The following MLC1 variants were observed in gnomAD, a reference collection of about 807,000 sequenced individuals.
The protein encoded by MLC1 is modulator of VRAC current 1, also known as membrane protein MLC1.
MLC1 carries 32 observed loss-of-function variants against 44.7 expected under a neutral mutation model. That is an observed-to-expected ratio of 0.72 (90% CI 0.54 to 0.96). The LOEUF (loss-of-function observed/expected upper bound fraction) is 0.96, where lower values mean the gene tolerates loss of function less well. Ranked by LOEUF, MLC1 falls within the 40% of genes least tolerant of loss-of-function variation. The probability of loss-of-function intolerance (pLI) is 0.00; values close to 1 mark genes in which losing one functional copy is unlikely to be tolerated. For synonymous variants in MLC1, 190 were observed against 213.0 expected (o/e 0.89, Z 0.94); for missense variants, 459 against 492.2 (o/e 0.93, Z 0.64).
At position 50,071,444 on chromosome 22, in the gene MLC1, G is replaced by A. The variant is rs766997005; in HGVS notation, c.715-861C>T. On this transcript the variant is annotated intron_variant, in intron 8 of 11. Transcript: ENST00000311597. The stretch of plus-strand genomic sequence containing the variant: ...GTTTGTTTGCTCCTGATCCGGATTC[G>A]GTCTGCCATTGAGCTCGTAGTCTCC... Among the ~76,000 whole-genome samples the A allele has an allele frequency of 4.4e-4, 67 of 152,240 alleles. 1 individual carries two copies. Among genetic ancestry groups the A allele is most frequent in the Non-Finnish European group, 8.2e-4 (56 of 68,018 alleles).
intron 10 of MLC1, 126 bp from the exon 11 acceptor site, chr22:50,064,324 C>G: frequency 1.8e-6 from 2 of 1,121,492 alleles, no homozygotes; most frequent in Admixed American, 4.0e-5. Context: ...GCCCCAGTAA[C>G]CCAAACGCAT....
chr22:50,068,725 C>CTTTTTTTTTTTTTTTT (rs765426637), intron 9 of MLC1, among the ~76,000 whole-genome samples, 170 bp from the exon 10 acceptor site: 3 of 105,248 alleles, frequency 2.9e-5, no homozygotes, highest in African/African-American at 7.3e-5. Flanking sequence ...TTTTCTTTTT[C>CTTTTTTTTTTTTTTTT]TTTTTTTTTT....
intron 5 of MLC1, among the ~76,000 whole-genome samples, chr22:50,078,885 C>A (rs779099577): frequency 6.6e-6 from 1 of 152,188 alleles, no homozygotes; most frequent in Admixed American, 6.5e-5. Flanking sequence ...GAGACAGCTC[C>A]TCCCAGGGCC....
chr22:50,069,495 A>G (rs1278412476), intron 9 of MLC1, among the ~76,000 whole-genome samples: 1 of 151,786 alleles, frequency 6.6e-6, no homozygotes, highest in African/African-American at 2.4e-5. Flanking sequence ...AAGATACAAA[A>G]ACTAAGCGGG....
At chr22:50,063,019 A>G (rs1243534532) in intron 11 of MLC1, among the ~76,000 whole-genome samples, 1 of 152,100 alleles carries the variant, frequency 6.6e-6, no homozygotes, top group Non-Finnish European at 1.5e-5. Flanking sequence ...TCCCTGCAGA[A>G]CCGCGTCCCC....
chr22:50,083,862 T>C lies in MLC1; in HGVS notation c.178-689A>G, dbSNP rs546477741. Reference sequence around the variant, plus strand: ...GATCTGGCCTGGGCGGGGGAGGGGCTGCGACCAAGTCCAGGGCACCAGGTG... The same window carrying C: ...GATCTGGCCTGGGCGGGGGAGGGGCCGCGACCAAGTCCAGGGCACCAGGTG... On this transcript the variant is annotated intron_variant, in intron 2 of 11. Coordinates refer to ENST00000311597, the MANE Select transcript of MLC1 (RefSeq NM_015166.4). This position sits in a 1 kb window ranked among gnomAD's most constrained non-coding sequence, Gnocchi z 4.6. Among the ~76,000 whole-genome samples the C allele has an allele frequency of 1.1e-4, 17 of 152,070 alleles. 1 individual carries two copies. Among genetic ancestry groups the C allele is most frequent in the African/African-American group, 4.1e-4 (17 of 41,474 alleles).
rs776044137 is a variant in MLC1, at chr22:50,080,328, T to C, written c.321+16A>G. 10 of 1,602,946 alleles carry C rather than the reference T, an allele frequency of 6.2e-6. No individual in the cohort carries two copies. Among genetic ancestry groups the C allele is most frequent in the Non-Finnish European group, 8.5e-6 (10 of 1,174,764 alleles). On this transcript the variant is annotated intron_variant, in intron 4 of 11. Coordinates refer to ENST00000311597, the MANE Select transcript of MLC1 (RefSeq NM_015166.4). ...GGCTTTCTCCCTGGCAGAGGCTGCC[T>C]GCAAGCTAGACTCACCACATTGGCG...
rs757541925 is a variant in MLC1 at position 50,077,433 on chromosome 22, G to C, written c.493C>G (p.Arg165Gly). The C allele has an allele frequency of 1.2e-6, 2 of 1,613,882 alleles. No homozygotes were observed. Among genetic ancestry groups the C allele is most frequent in the Non-Finnish European group, 1.7e-6 (2 of 1,179,998 alleles). ...LMAATVIIAA[R>G]SSEEDCKKKK... ...TTCTTGCAGTCCTCCTCGCTGGACC[G>C]TGCAGCGATGATCACCGTGGCCGCC... Residue 165 changes from arginine (R) to glycine (G), a missense_variant, in exon 6 of 12, where the codon CGG becomes GGG. Coordinates refer to ENST00000311597, the MANE Select transcript of MLC1 (RefSeq NM_015166.4).
In MLC1 at chr22:50,075,899, G is replaced by A. The variant is rs1029136687; in HGVS notation, c.597+942C>T. Among the ~76,000 whole-genome samples, 5 of 152,266 alleles carry A rather than the reference G, an allele frequency of 3.3e-5. No individual in the cohort carries two copies. The East Asian group carries it at 7.7e-4, about 24-fold the overall frequency. ...GTCACAAGCTAGACAACAAGGCCAAGGCGGAGGGAAGGGGGACAGACCCCG... is the reference window on the plus strand; with the variant it reads ...GTCACAAGCTAGACAACAAGGCCAAAGCGGAGGGAAGGGGGACAGACCCCG... On this transcript the variant is annotated intron_variant, in intron 7 of 11. Transcript: ENST00000311597.
chr22:50,066,554 G>A (rs186620889), intron 10 of MLC1, among the ~76,000 whole-genome samples: 36 of 152,148 alleles, frequency 2.4e-4, no homozygotes, highest in African/African-American at 6.5e-4. Flanking sequence ...CAGATGCTCC[G>A]GAGGCTGAGG....
Position 50,083,120 on chromosome 22 carries a change from C to G in MLC1, c.231G>C (p.Pro77=), listed in dbSNP as rs150088744. Residue 77 remains proline, a synonymous_variant, in exon 3 of 12, where the codon CCG becomes CCC. Coordinates refer to ENST00000311597, the MANE Select transcript of MLC1 (RefSeq NM_015166.4). The surrounding 1 kb of genome is among the most constrained non-coding windows in gnomAD (Gnocchi z 4.6). ...GFSLYLGNVF[P]AEMDYLRCAA... ...CACAGCGCAAGTAATCCATCTCAGC[C>G]GGGAACACGTTCCCCAGGTACAGCG... 1.2e-6 allele frequency: 2 copies of G among 1,614,136 alleles called. No individual in the cohort carries two copies. The highest frequency in any genetic ancestry group is 2.2e-5 in the East Asian group (1 of 44,892).
chr22:50,074,458 G>A, intron 7 of MLC1, 126 bp from the exon 8 acceptor site: 1 of 852,236 alleles, frequency 1.2e-6, no homozygotes, highest in Non-Finnish European at 1.9e-6. Context: ...TCTAACCGTG[G>A]AGGAGCCCAC....
At chr22:50,065,073 C>T (rs369098019) in intron 10 of MLC1, among the ~76,000 whole-genome samples, 13 of 152,250 alleles carry the variant, frequency 8.5e-5, no homozygotes, top group East Asian at 1.9e-4. Flanking sequence ...TACAGGTACC[C>T]GCCACCACGC....
chr22:50,065,477 C>T lies in MLC1; in HGVS notation c.895-1279G>A, dbSNP rs140629864. Among the ~76,000 whole-genome samples, 124 of 152,334 alleles carry T rather than the reference C, an allele frequency of 8.1e-4. 3 individuals are homozygous for T. The highest frequency in any genetic ancestry group is 8.0e-3 in the Admixed American group (123 of 15,300). On this transcript the variant is annotated intron_variant, in intron 10 of 11. Coordinates refer to ENST00000311597, the MANE Select transcript of MLC1 (RefSeq NM_015166.4). Reference sequence around the variant, plus strand: ...CAACAAGCAGAACAAGAAATAGCCGCCAGGCTGAGACCACCATTTGTATCC... The same window carrying T: ...CAACAAGCAGAACAAGAAATAGCCGTCAGGCTGAGACCACCATTTGTATCC...
intron 6 of MLC1, 136 bp downstream of exon 6, chr22:50,077,265 A>C (rs1006757273): frequency 7.2e-6 from 6 of 834,560 alleles, no homozygotes; most frequent in Non-Finnish European, 1.2e-5. Context: ...TCTGAGACCC[A>C]GGAGAGAGGG....
intron 10 of MLC1, among the ~76,000 whole-genome samples, chr22:50,065,529 C>T (rs1284817429): frequency 6.6e-6 from 1 of 152,214 alleles, no homozygotes; most frequent in Non-Finnish European, 1.5e-5. Context: ...CTGGTCTCCC[C>T]CGGCACCAGG....
intron 10 of MLC1, among the ~76,000 whole-genome samples, chr22:50,067,967 AAAAC>A (rs1330764790): frequency 0.1 from 15,532 of 149,070 alleles, 889 homozygotes; most frequent in South Asian, 0.18. Flanking sequence ...AAAAAACAAA[AAAAC>A]AAAAAAACAC....
In MLC1 at chr22:50,083,225, G is replaced by C. The variant is rs999669358; in HGVS notation, c.178-52C>G. 1 of 1,505,204 alleles carries C rather than the reference G, an allele frequency of 6.6e-7. No individual in the cohort carries two copies. Among genetic ancestry groups the C allele is most frequent in the Non-Finnish European group, 9.2e-7 (1 of 1,082,174 alleles). 93.2% of individuals were successfully genotyped at this position (1,505,204 alleles called of 1,614,324 possible). ...TTACAACGCGCCCCGTCCCCAGGCT[G>C]GACCCTGACCCTTCAACTTCTGCTT... On this transcript the variant is annotated intron_variant, in intron 2 of 11. Coordinates refer to ENST00000311597, the MANE Select transcript of MLC1 (RefSeq NM_015166.4). The surrounding 1 kb of genome is among the most constrained non-coding windows in gnomAD (Gnocchi z 4.6).
chr22:50,059,674 T>TG lies in MLC1; in HGVS notation c.*1908dup, dbSNP rs1219228171. ...CGCCAGCCTCAAAGCTGCAGGGAGG[T>TG]GGGGGTGGCCTGCAGACAGGGTGGG... On this transcript the variant is annotated 3_prime_UTR_variant, in exon 12 of 12. Coordinates refer to ENST00000311597, the MANE Select transcript of MLC1 (RefSeq NM_015166.4). 1.3e-5 allele frequency: 2 copies of TG among 151,834 alleles called. No individual in the cohort carries two copies. Among genetic ancestry groups the TG allele is most frequent in the Non-Finnish European group, 2.9e-5 (2 of 67,982 alleles). The allele number at this position is 151,834 out of a possible 1,614,324, so 9.4% of individuals were successfully genotyped here.
Sources: allele counts gnomAD v4.1 joint callset (sites outside exome capture counted in the v4.1 genomes callset), GRCh38; gene constraint gnomAD v4.1.1; non-coding constraint Gnocchi (gnomAD v3.1); transcripts MANE v1.5; gene names NCBI Gene and HGNC (gene_info 2026-07-23, HGNC 2026-07-21).